ENTREP2: variants seen among roughly 807,000 people sequenced by gnomAD.
The protein encoded by ENTREP2 is protein ENTREP2.
At chr15:29,136,802 G>A in the ENTREP2 span, among the ~76,000 whole-genome samples, 6 of 152,186 alleles carry the variant, frequency 3.9e-5, no homozygotes, top group African/African-American at 9.6e-5. Context: ...CAACGTGACC[G>A]CAGCTTTGCA....
chr15:29,479,722 GA>G, the ENTREP2 span, among the ~76,000 whole-genome samples: 2 of 151,430 alleles, frequency 1.3e-5, no homozygotes, highest in Non-Finnish European at 2.9e-5. Flanking sequence ...CTGGGACCTA[GA>G]ATAAGCTGTT....
At chr15:29,140,624 C>G in the ENTREP2 span, among the ~76,000 whole-genome samples, 1 of 152,210 alleles carries the variant, frequency 6.6e-6, no homozygotes, top group Non-Finnish European at 1.5e-5. Flanking sequence ...CAGCTCCCCA[C>G]CTCCCTTTCA....
the ENTREP2 span, among the ~76,000 whole-genome samples, chr15:29,142,743 C>G: frequency 6.6e-6 from 1 of 152,118 alleles, no homozygotes; most frequent in African/African-American, 2.4e-5. Context: ...AGTTAATAAG[C>G]GCATGCCTAA....
chr15:29,568,786 T>G, the ENTREP2 span, among the ~76,000 whole-genome samples: 1 of 151,934 alleles, frequency 6.6e-6, no homozygotes, highest in South Asian at 2.1e-4. Context: ...CAAACTGAAT[T>G]AACTGTTTTA....
the ENTREP2 span, among the ~76,000 whole-genome samples, chr15:29,366,414 T>A: frequency 2.0e-5 from 3 of 152,234 alleles, no homozygotes; most frequent in Non-Finnish European, 4.4e-5. Flanking sequence ...AGGATTTTTT[T>A]ATCAGCTTTA....
chr15:29,368,992 C>A, the ENTREP2 span, among the ~76,000 whole-genome samples: 1 of 152,080 alleles, frequency 6.6e-6, no homozygotes, highest in Non-Finnish European at 1.5e-5. Flanking sequence ...AAAGAGTCAT[C>A]AGTTAACCTA....
the ENTREP2 span, among the ~76,000 whole-genome samples, chr15:29,226,575 A>G: frequency 0.012 from 1,790 of 152,324 alleles, 39 homozygotes; most frequent in African/African-American, 0.04. Flanking sequence ...CAAGCCAGAC[A>G]GTCCAGCAGC....
chr15:29,240,229 A>T, the ENTREP2 span, among the ~76,000 whole-genome samples: 18 of 152,112 alleles, frequency 1.2e-4, no homozygotes, highest in South Asian at 3.5e-3. Flanking sequence ...CTGGGCGTGG[A>T]GGCACATGCC....
chr15:29,502,175 T>C, the ENTREP2 span, among the ~76,000 whole-genome samples: 1 of 151,814 alleles, frequency 6.6e-6, no homozygotes, highest in African/African-American at 2.4e-5. Context: ...AAAACAATCT[T>C]GAAAAAGAAC....
the ENTREP2 span, among the ~76,000 whole-genome samples, chr15:29,400,358 G>C: frequency 6.6e-6 from 1 of 152,148 alleles, no homozygotes; most frequent in Non-Finnish European, 1.5e-5. Context: ...AGGTGAGCAG[G>C]AGCAATATCA....
the ENTREP2 span, among the ~76,000 whole-genome samples, chr15:29,624,430 C>T: frequency 6.0e-4 from 91 of 152,292 alleles, no homozygotes; most frequent in African/African-American, 2.0e-3. Context: ...TGTAAGGATG[C>T]ATTTTCTTGA....
chr15:29,402,265 T>TATATAC, the ENTREP2 span, among the ~76,000 whole-genome samples: 6 of 137,792 alleles, frequency 4.4e-5, no homozygotes, highest in South Asian at 2.4e-4. Flanking sequence ...TATATATATA[T>TATATAC]ACACACACAT....
the ENTREP2 span, among the ~76,000 whole-genome samples, chr15:29,226,124 C>T: frequency 2.8e-4 from 43 of 152,266 alleles, no homozygotes; most frequent in African/African-American, 7.2e-4. Flanking sequence ...CAGAACATGC[C>T]GGACACGGGG....
chr15:29,401,484 G>C, the ENTREP2 span, among the ~76,000 whole-genome samples: 1 of 152,170 alleles, frequency 6.6e-6, no homozygotes, highest in Non-Finnish European at 1.5e-5. Flanking sequence ...GAAACATTTT[G>C]GTGAAGTTTT....
chr15:29,640,381 G>C, the ENTREP2 span, among the ~76,000 whole-genome samples: 1 of 152,296 alleles, frequency 6.6e-6, no homozygotes, highest in South Asian at 2.1e-4. Context: ...ATCTAGGCCA[G>C]GTACAGTGGT....
the ENTREP2 span, among the ~76,000 whole-genome samples, chr15:29,288,847 G>C: frequency 6.6e-6 from 1 of 152,058 alleles, no homozygotes; most frequent in South Asian, 2.1e-4. Flanking sequence ...ATACATATAT[G>C]TATATATCCG....
chr15:29,269,077 G>A, the ENTREP2 span: 3 of 1,614,104 alleles, frequency 1.9e-6, no homozygotes, highest in East Asian at 2.2e-5. Flanking sequence ...ATGCTTCTTG[G>A]TGGGGTAGAC....
the ENTREP2 span, among the ~76,000 whole-genome samples, chr15:29,198,337 T>C: frequency 6.6e-6 from 1 of 152,214 alleles, no homozygotes; most frequent in Non-Finnish European, 1.5e-5. Flanking sequence ...GGAGCACCCC[T>C]GCAGAACTGT....
At chr15:29,668,877 C>A in the ENTREP2 span, among the ~76,000 whole-genome samples, 1 of 152,340 alleles carries the variant, frequency 6.6e-6, no homozygotes, top group South Asian at 2.1e-4. Flanking sequence ...CCTGGACAGA[C>A]TTTTGTCACA....
Sources: allele counts gnomAD v4.1 joint callset (sites outside exome capture counted in the v4.1 genomes callset), GRCh38; gene constraint gnomAD v4.1.1; transcripts MANE v1.5; gene names NCBI Gene and HGNC (gene_info 2026-07-23, HGNC 2026-07-21).